Variants in ELP4 observed in about 807,000 individuals in gnomAD.
ELP4 encodes elongator complex protein 4.
In ELP4, 51 loss-of-function variants were observed where a neutral mutation model predicts 48.9. The ratio of observed to expected loss-of-function variants is 1.04; its 90% CI spans 0.83 to 1.32. ELP4 has a LOEUF of 1.32. ELP4 is among the 40% of genes most tolerant of loss of function. ELP4 has a pLI of 0.00. For missense variants in ELP4, 519 were observed against 514.6 expected, an observed-to-expected ratio of 1.01 and a Z score of -0.08; for synonymous variants, 210 against 189.2, an observed-to-expected ratio of 1.11 and a Z score of -0.90.
intron 3 of ELP4, among the ~76,000 whole-genome samples, chr11:31,588,918 G>T (rs1202674539): frequency 6.6e-6 from 1 of 152,174 alleles, no homozygotes; most frequent in Non-Finnish European, 1.5e-5. Flanking sequence ...AGGAGGTTGA[G>T]GTTGCAGTGA....
intron 3 of ELP4, among the ~76,000 whole-genome samples, chr11:31,549,464 A>C (rs574669742): frequency 3.3e-5 from 5 of 151,906 alleles, no homozygotes; most frequent in African/African-American, 1.2e-4. Flanking sequence ...TTAGAATGGC[A>C]ATCATTAAAA....
intron 9 of ELP4, among the ~76,000 whole-genome samples, chr11:31,779,516 C>T (rs928217297): frequency 2.5e-4 from 38 of 152,122 alleles, no homozygotes; most frequent in Non-Finnish European, 7.4e-5. Flanking sequence ...AACAAAGAGA[C>T]GGAGAGGCAA....
intron 9 of ELP4, among the ~76,000 whole-genome samples, chr11:31,723,333 C>A (rs964349232): frequency 8.6e-5 from 13 of 151,988 alleles, no homozygotes; most frequent in Non-Finnish European, 1.5e-4. Flanking sequence ...ACCAACACCA[C>A]CCCCGCCCCC....
In ELP4 at chr11:31,682,381, C is replaced by G. The variant is rs147853289; in HGVS notation, c.1143+32160C>G. On this transcript the variant is annotated intron_variant, in intron 9 of 9. Transcript: ENST00000640961. ...AGCAGTAAGTCTGGTAGCACTACTTCGGTCACACTTCCAGGATGCTTACTG... is the reference window on the plus strand; with the variant it reads ...AGCAGTAAGTCTGGTAGCACTACTTGGGTCACACTTCCAGGATGCTTACTG... Among the ~76,000 whole-genome samples the G allele has an allele frequency of 3.7e-4, 57 of 152,282 alleles. No individual in the cohort carries two copies. The East Asian group carries it at 7.3e-3, about 20-fold the overall frequency.
At chr11:31,543,213 A>G (rs1956621824) in intron 3 of ELP4, among the ~76,000 whole-genome samples, 1 of 152,248 alleles carries the variant, frequency 6.6e-6, no homozygotes, top group Non-Finnish European at 1.5e-5. Context: ...AGTACACAAC[A>G]AATATTTGAA....
intron 9 of ELP4, among the ~76,000 whole-genome samples, chr11:31,665,395 T>C (rs4922876): frequency 0.64 from 96,481 of 151,932 alleles, 33,096 homozygotes; most frequent in Non-Finnish European, 0.76. Flanking sequence ...AGTATTCCTT[T>C]TGTACTATGA....
chr11:31,756,622 C>A (rs954721159), intron 9 of ELP4, among the ~76,000 whole-genome samples: 12 of 152,172 alleles, frequency 7.9e-5, no homozygotes, highest in Admixed American at 6.5e-4. Flanking sequence ...CTTGAATCTC[C>A]AGCTAGCTTG....
At chr11:31,775,351 A>G (rs879140300) in intron 9 of ELP4, among the ~76,000 whole-genome samples, 1 of 152,096 alleles carries the variant, frequency 6.6e-6, no homozygotes, top group South Asian at 2.1e-4. Flanking sequence ...ATGTTTGTGG[A>G]TGCCCACCTT....
intron 9 of ELP4, among the ~76,000 whole-genome samples, chr11:31,691,910 T>C (rs750165163): frequency 5.9e-5 from 9 of 152,278 alleles, no homozygotes; most frequent in Admixed American, 2.6e-4. Context: ...AACTTCTTAG[T>C]GAGTAATAAA....
At chr11:31,616,834 A>T (rs1292627335) in intron 5 of ELP4, among the ~76,000 whole-genome samples, 1 of 152,130 alleles carries the variant, frequency 6.6e-6, no homozygotes, top group Admixed American at 6.6e-5. Context: ...ATCACTAACC[A>T]TTAGACAAAT....
chr11:31,662,640 T>G lies in ELP4; in HGVS notation c.1143+12419T>G, dbSNP rs1347704153. 4 of 397,754 alleles carry G rather than the reference T, an allele frequency of 1.0e-5. No homozygotes were observed. The East Asian group carries it at 1.1e-4, about 11-fold the overall frequency. 24.6% of individuals were successfully genotyped at this position (397,754 alleles called of 1,614,324 possible). On this transcript the variant is annotated intron_variant, in intron 9 of 9. Transcript: ENST00000640961. ...CCCCTACTTTAAAAAGCCGCATACTTTAAAGAAAATTTACTGAGAGAATTG... is the reference window on the plus strand; with the variant it reads ...CCCCTACTTTAAAAAGCCGCATACTGTAAAGAAAATTTACTGAGAGAATTG...
At chr11:31,781,723 T>C (rs1948381822) in intron 9 of ELP4, among the ~76,000 whole-genome samples, 1 of 151,942 alleles carries the variant, frequency 6.6e-6, no homozygotes, top group African/African-American at 2.4e-5. Context: ...GGTCTCCATC[T>C]CTTGACCTCA....
chr11:31,631,117 T>C (rs1283608877), intron 6 of ELP4, among the ~76,000 whole-genome samples: 2 of 152,180 alleles, frequency 1.3e-5, no homozygotes, highest in African/African-American at 4.8e-5. Flanking sequence ...GTTGTATTCA[T>C]TTTTCTTCCT....
intron 9 of ELP4, among the ~76,000 whole-genome samples, chr11:31,682,258 C>G (rs1418435311): frequency 6.6e-6 from 1 of 152,144 alleles, no homozygotes; most frequent in East Asian, 1.9e-4. Flanking sequence ...TCATAGATTA[C>G]TCAAGGCTGT....
Position 31,684,268 on chromosome 11 carries a change from T to G in ELP4, c.1143+34047T>G, listed in dbSNP as rs887635443. On this transcript the variant is annotated intron_variant, in intron 9 of 9. Transcript: ENST00000640961. ...GTCACCCAGGCTGGAGTGCAGTGGATCAATCTTGGCTCACTGCAACCTCCA... is the reference window on the plus strand; with the variant it reads ...GTCACCCAGGCTGGAGTGCAGTGGAGCAATCTTGGCTCACTGCAACCTCCA... Among the ~76,000 whole-genome samples the G allele has an allele frequency of 5.3e-5, 8 of 151,704 alleles. No individual in the cohort carries two copies. The East Asian group carries it at 1.6e-3, about 29-fold the overall frequency.
At chr11:31,553,154 C>A (rs1956878134) in intron 3 of ELP4, among the ~76,000 whole-genome samples, 1 of 152,134 alleles carries the variant, frequency 6.6e-6, no homozygotes, top group Non-Finnish European at 1.5e-5. Flanking sequence ...TGTATTAGTT[C>A]ATTGTGTTTC....
At chr11:31,697,656 A>AT (rs765325501) in intron 9 of ELP4, among the ~76,000 whole-genome samples, 2 of 152,146 alleles carry the variant, frequency 1.3e-5, no homozygotes, top group Admixed American at 1.3e-4. Context: ...ACAACTCATA[A>AT]TTTAACATGT....
intron 9 of ELP4, among the ~76,000 whole-genome samples, chr11:31,757,127 T>C (rs577258342): frequency 6.6e-5 from 10 of 152,320 alleles, no homozygotes; most frequent in Non-Finnish European, 1.2e-4. Context: ...AAAATCAAAA[T>C]ATGCCTTCTA....
chr11:31,626,963 T>C, intron 5 of ELP4, 147 bp from the exon 6 acceptor site: 1 of 485,806 alleles, frequency 2.1e-6, no homozygotes, highest in Non-Finnish European at 3.7e-6. Context: ...GACTTTATAT[T>C]TTAGGATTAT....
Sources: gnomAD v4.1 joint callset for allele counts (sites outside exome capture counted in the v4.1 genomes callset) on GRCh38, gnomAD v4.1.1 for gene constraint, MANE v1.5 for transcripts, NCBI Gene and HGNC (gene_info 2026-07-23, HGNC 2026-07-21) for gene names.